Variants in FHIT observed in about 807,000 individuals in gnomAD.
FHIT encodes the protein bis(5'-adenosyl)-triphosphatase.
In FHIT, 19 loss-of-function variants were observed where a neutral mutation model predicts 17.9. The ratio of observed to expected loss-of-function variants is 1.06; its 90% CI spans 0.74 to 1.56. The LOEUF (loss-of-function observed/expected upper bound fraction) is 1.56, where lower values mean the gene tolerates loss of function less well. Among genes scored for constraint, FHIT ranks in the 40% most tolerant of loss-of-function variants. The pLI is 0.00. For missense variants in FHIT, 248 were observed against 189.2 expected, an observed-to-expected ratio of 1.31 and a Z score of -1.82; for synonymous variants, 81 against 69.7, an observed-to-expected ratio of 1.16 and a Z score of -0.81.
At position 60,372,948 on chromosome 3, in the gene FHIT, T is replaced by C. The variant is rs1443230716; in HGVS notation, c.103+163912A>G. 2.0e-5 allele frequency among the ~76,000 whole-genome samples: 3 copies of C among 152,192 alleles called. No homozygotes were observed. The East Asian group carries it at 5.8e-4, about 29-fold the overall frequency. ...ATGAATTTAATCCACTGGTGGTGTGTTCATAATCAAATGAAGGACTCATTT... is the reference window on the plus strand; with the variant it reads ...ATGAATTTAATCCACTGGTGGTGTGCTCATAATCAAATGAAGGACTCATTT... On this transcript the variant is annotated intron_variant, in intron 5 of 9. Transcript: ENST00000492590.
chr3:60,312,165 G>C (rs1372962781), intron 5 of FHIT, among the ~76,000 whole-genome samples: 4 of 152,000 alleles, frequency 2.6e-5, no homozygotes, highest in African/African-American at 9.7e-5. Context: ...TTTTTTTTAA[G>C]ATGGGGGTAG....
Position 60,504,304 on chromosome 3 carries a change from C to T in FHIT, c.103+32556G>A, listed in dbSNP as rs916985042. ...CAAAAATTAGCTGGGCATGGTGGCACGCGCCTGTAATCCCAGCTACTCGGG... is the reference window on the plus strand; with the variant it reads ...CAAAAATTAGCTGGGCATGGTGGCATGCGCCTGTAATCCCAGCTACTCGGG... On this transcript the variant is annotated intron_variant, in intron 5 of 9. Coordinates refer to ENST00000492590, the MANE Select transcript of FHIT (RefSeq NM_002012.4). 6.1e-4 allele frequency among the ~76,000 whole-genome samples: 92 copies of T among 151,994 alleles called. 1 individual carries two copies. The highest frequency in any genetic ancestry group is 2.2e-3 in the Admixed American group (33 of 15,248).
At chr3:60,907,925 A>T (rs1390675412) in intron 3 of FHIT, among the ~76,000 whole-genome samples, 5 of 152,358 alleles carry the variant, frequency 3.3e-5, no homozygotes, top group Non-Finnish European at 7.3e-5. Context: ...AAACCTATAG[A>T]AGTAAAATAA....
intron 5 of FHIT, among the ~76,000 whole-genome samples, chr3:60,118,092 G>A (rs1705061503): frequency 6.6e-6 from 1 of 152,172 alleles, no homozygotes; most frequent in East Asian, 1.9e-4. Flanking sequence ...GTACAGCAAG[G>A]TGTTATAATG....
chr3:60,804,207 G>A (rs782810375), intron 4 of FHIT, among the ~76,000 whole-genome samples: 1 of 152,150 alleles, frequency 6.6e-6, no homozygotes, highest in Admixed American at 6.5e-5. Flanking sequence ...CTACAAACAC[G>A]GCTAACTTGC....
At chr3:60,708,422 C>A (rs1553704098) in intron 4 of FHIT, among the ~76,000 whole-genome samples, 1 of 152,174 alleles carries the variant, frequency 6.6e-6, no homozygotes, top group South Asian at 2.1e-4. Context: ...CTATAGAAAC[C>A]CTTCCCAAGT....
chr3:60,461,346 C>T (rs1040924499), intron 5 of FHIT, among the ~76,000 whole-genome samples: 9 of 152,164 alleles, frequency 5.9e-5, no homozygotes, highest in Non-Finnish European at 1.2e-4. Context: ...AAATCTGCCT[C>T]TTGGGATCTC....
At chr3:59,888,817 T>C (rs1276321424) in intron 8 of FHIT, among the ~76,000 whole-genome samples, 1 of 152,178 alleles carries the variant, frequency 6.6e-6, no homozygotes, top group East Asian at 1.9e-4. Context: ...AGATTTATAA[T>C]AAACAGAAAT....
At chr3:59,869,201 C>T (rs559993644) in intron 8 of FHIT, among the ~76,000 whole-genome samples, 3 of 152,160 alleles carry the variant, frequency 2.0e-5, no homozygotes, top group East Asian at 1.9e-4. Flanking sequence ...TCTAACAGAC[C>T]GATTTTGTGA....
chr3:61,020,016 G>A (rs1187097097), intron 3 of FHIT, among the ~76,000 whole-genome samples: 4 of 152,016 alleles, frequency 2.6e-5, no homozygotes, highest in African/African-American at 9.7e-5. Flanking sequence ...CCCTCCCCTA[G>A]CCCCACAAAC....
intron 5 of FHIT, among the ~76,000 whole-genome samples, chr3:60,339,118 G>A (rs1279596072): frequency 6.6e-6 from 1 of 152,140 alleles, no homozygotes; most frequent in Non-Finnish European, 1.5e-5. Context: ...TATGCAATAT[G>A]TAAGTATGTA....
chr3:60,396,421 C>A (rs1231259230), intron 5 of FHIT, among the ~76,000 whole-genome samples: 1 of 152,056 alleles, frequency 6.6e-6, no homozygotes, highest in Non-Finnish European at 1.5e-5. Context: ...CAGAATGAGA[C>A]AGCGATGAAA....
chr3:59,905,651 A>C (rs1391137873), intron 8 of FHIT, among the ~76,000 whole-genome samples: 1 of 152,156 alleles, frequency 6.6e-6, no homozygotes, highest in Non-Finnish European at 1.5e-5. Flanking sequence ...GAGACTTAAA[A>C]ATTTTTTAAT....
At chr3:60,430,875 A>G (rs1054167602) in intron 5 of FHIT, among the ~76,000 whole-genome samples, 1 of 152,074 alleles carries the variant, frequency 6.6e-6, no homozygotes, top group East Asian at 1.9e-4. Flanking sequence ...CAGGGCAGTG[A>G]TAATTCTCAA....
At chr3:59,874,315 C>T (rs529663243) in intron 8 of FHIT, among the ~76,000 whole-genome samples, 2 of 152,312 alleles carry the variant, frequency 1.3e-5, no homozygotes, top group African/African-American at 4.8e-5. Flanking sequence ...AATGCCAAGA[C>T]ACCTGGTTAA....
In FHIT at chr3:60,394,312, A is replaced by G. The variant is rs374165795; in HGVS notation, c.103+142548T>C. 6.6e-5 allele frequency among the ~76,000 whole-genome samples: 10 copies of G among 152,320 alleles called. 1 individual carries two copies. Among genetic ancestry groups the G allele is most frequent in the South Asian group, 6.2e-4 (3 of 4,832 alleles). On this transcript the variant is annotated intron_variant, in intron 5 of 9. Transcript: ENST00000492590. ...TGAGAAACAGATCAACCCACTCTCTATGCAATTTCAGGTAAGCTAAATGCC... is the reference window on the plus strand; with the variant it reads ...TGAGAAACAGATCAACCCACTCTCTGTGCAATTTCAGGTAAGCTAAATGCC...
chr3:60,192,259 A>AAT, intron 5 of FHIT, among the ~76,000 whole-genome samples: 1 of 151,910 alleles, frequency 6.6e-6, no homozygotes, highest in Middle Eastern at 3.4e-3. Flanking sequence ...TCAAAAAAAA[A>AAT]AAAAAAAAAG....
At chr3:59,828,915 T>G (rs1006137078) in intron 8 of FHIT, among the ~76,000 whole-genome samples, 2 of 151,346 alleles carry the variant, frequency 1.3e-5, no homozygotes, top group Non-Finnish European at 2.9e-5. Flanking sequence ...GACAAATTTA[T>G]TCACAGAACT....
intron 5 of FHIT, among the ~76,000 whole-genome samples, chr3:60,248,217 G>C (rs909210329): frequency 1.3e-5 from 2 of 151,960 alleles, no homozygotes; most frequent in African/African-American, 4.8e-5. Context: ...TTTATTCTTT[G>C]GTACAAAAAC....
Sources: allele counts gnomAD v4.1 joint callset (sites outside exome capture counted in the v4.1 genomes callset), GRCh38; gene constraint gnomAD v4.1.1; transcripts MANE v1.5; gene names NCBI Gene and HGNC (gene_info 2026-07-23, HGNC 2026-07-21).